Variants in ROBO2 observed in about 807,000 individuals in gnomAD.
ROBO2 encodes the protein roundabout homolog 2.
A neutral mutation model predicts 160.8 loss-of-function variants in ROBO2; 53 were observed. The ratio of observed to expected loss-of-function variants is 0.33; its 90% CI spans 0.26 to 0.41. ROBO2 has a LOEUF of 0.41. Ranked by LOEUF, ROBO2 falls within the 10% of genes least tolerant of loss-of-function variation. The pLI is 1.00. For missense variants in ROBO2, 1,577 were observed against 1,722.4 expected (o/e 0.92, Z 1.49); for synonymous variants, 664 against 611.7 (o/e 1.09, Z -1.26).
intron 4 of ROBO2, among the ~76,000 whole-genome samples, chr3:77,492,714 G>A (rs1477812585): frequency 6.6e-6 from 1 of 152,078 alleles, no homozygotes; most frequent in Non-Finnish European, 1.5e-5. Flanking sequence ...AAATAATCAT[G>A]GGAATATTGA....
At chr3:77,405,676 T>C (rs1316610127) in intron 2 of ROBO2, among the ~76,000 whole-genome samples, 1 of 151,980 alleles carries the variant, frequency 6.6e-6, no homozygotes, top group Non-Finnish European at 1.5e-5. Flanking sequence ...CTCTTCCAAC[T>C]CTTAATGTTT....
chr3:77,264,842 G>T (rs2059024251), intron 2 of ROBO2, among the ~76,000 whole-genome samples: 1 of 152,064 alleles, frequency 6.6e-6, no homozygotes, highest in African/African-American at 2.4e-5. Flanking sequence ...TTTGTTAATT[G>T]TTGAATAGAT....
intron 2 of ROBO2, among the ~76,000 whole-genome samples, chr3:77,467,798 T>G (rs538211465): frequency 6.6e-6 from 1 of 150,976 alleles, no homozygotes; most frequent in South Asian, 2.1e-4. Context: ...TTAAGTTGAC[T>G]GTATTATATC....
intron 2 of ROBO2, among the ~76,000 whole-genome samples, chr3:77,274,248 A>T (rs528775469): frequency 6.6e-6 from 1 of 152,294 alleles, no homozygotes; most frequent in Non-Finnish European, 1.5e-5. Flanking sequence ...ATTAGAAAGC[A>T]TATGGTCTTT....
intron 2 of ROBO2, among the ~76,000 whole-genome samples, chr3:76,178,775 C>CTTAG (rs2073321278): frequency 6.6e-6 from 1 of 152,018 alleles, no homozygotes; most frequent in African/African-American, 2.4e-5. Context: ...AACCCTGTCT[C>CTTAG]TACTAAAAGT....
At chr3:76,613,648 A>T (rs1181909718) in intron 2 of ROBO2, among the ~76,000 whole-genome samples, 1 of 151,864 alleles carries the variant, frequency 6.6e-6, no homozygotes, top group East Asian at 1.9e-4. Context: ...CCTGTCTCCC[A>T]GTTAGAGTAC....
At position 77,395,383 on chromosome 3, in the gene ROBO2, A is replaced by C. The variant is rs530839810; in HGVS notation, c.389-82031A>C. On this transcript the variant is annotated intron_variant, in intron 2 of 25. Coordinates refer to ENST00000461745, the Ensembl canonical transcript of ROBO2. ...CCAAACAGATGTTACTTTATTAAAA[A>C]TTGAGTGTTTTGGAGGGAGTAGAAG... Among the ~76,000 whole-genome samples, 22 of 152,304 alleles carry C rather than the reference A, an allele frequency of 1.4e-4. No individual in the cohort carries two copies. In the East Asian group the frequency reaches 3.7e-3, roughly 25 times the overall value.
At chr3:77,527,854 A>G (rs918684513) in intron 6 of ROBO2, among the ~76,000 whole-genome samples, 1 of 151,586 alleles carries the variant, frequency 6.6e-6, no homozygotes, top group Non-Finnish European at 1.5e-5. Flanking sequence ...TCCGAGTCCC[A>G]GTATTTTAGG....
intron 1 of ROBO2, among the ~76,000 whole-genome samples, chr3:77,083,295 A>G (rs912669289): frequency 5.9e-5 from 9 of 152,150 alleles, no homozygotes; most frequent in Admixed American, 3.9e-4. Context: ...CGTAACACTC[A>G]TGAGGCAACT....
chr3:76,469,769 T>A (rs201814131), intron 2 of ROBO2, among the ~76,000 whole-genome samples: 2 of 152,092 alleles, frequency 1.3e-5, no homozygotes, highest in East Asian at 3.9e-4. Flanking sequence ...CTTGATCTGC[T>A]TCTACTGGTT....
chr3:76,796,794 A>T (rs1396472046), intron 2 of ROBO2, among the ~76,000 whole-genome samples: 1 of 152,080 alleles, frequency 6.6e-6, no homozygotes, highest in African/African-American at 2.4e-5. Flanking sequence ...AAGAGCAGGT[A>T]TATCTACATT....
rs1305738451 is a variant in ROBO2 at position 76,301,870 on chromosome 3, T to C, written c.109+364268T>C. 6.6e-5 allele frequency among the ~76,000 whole-genome samples: 10 copies of C among 152,206 alleles called. No individual in the cohort carries two copies. The East Asian group carries it at 1.9e-3, about 29-fold the overall frequency. On this transcript the variant is annotated intron_variant, in intron 2 of 26. Transcript: ENST00000487694. ...CTAAACCCTTCTGAGAGATAGCAGC[T>C]TGCACCTCTGTCACTTTCTTTATCT...
chr3:76,015,671 C>T (rs1331459003), intron 2 of ROBO2, among the ~76,000 whole-genome samples: 1 of 152,154 alleles, frequency 6.6e-6, no homozygotes, highest in Non-Finnish European at 1.5e-5. Context: ...ATGGCGCACA[C>T]AATCCATTTG....
At chr3:77,578,086 G>A (rs1048797319) in intron 15 of ROBO2, among the ~76,000 whole-genome samples, 3 of 151,854 alleles carry the variant, frequency 2.0e-5, no homozygotes, top group Non-Finnish European at 4.4e-5. Flanking sequence ...ATTTATTGAG[G>A]TTGTGTAGAA....
chr3:76,581,832 A>C (rs2108737167), intron 2 of ROBO2, among the ~76,000 whole-genome samples: 1 of 152,322 alleles, frequency 6.6e-6, no homozygotes. Context: ...AATAGATTAA[A>C]TTTACAAAGT....
chr3:76,900,180 G>T (rs2075118256), intron 2 of ROBO2, among the ~76,000 whole-genome samples: 1 of 152,016 alleles, frequency 6.6e-6, no homozygotes, highest in Non-Finnish European at 1.5e-5. Context: ...GAACGGCACG[G>T]GAAAGATCCG....
At chr3:77,549,330 GTTA>G (rs2092825788) in intron 7 of ROBO2, among the ~76,000 whole-genome samples, 1 of 151,894 alleles carries the variant, frequency 6.6e-6, no homozygotes. Flanking sequence ...TGCACTTTGA[GTTA>G]TTGTATCATT....
intron 2 of ROBO2, among the ~76,000 whole-genome samples, chr3:76,376,093 T>A (rs780620943): frequency 3.3e-5 from 5 of 152,164 alleles, no homozygotes; most frequent in Non-Finnish European, 7.4e-5. Context: ...AAAGTACTTA[T>A]CATATTTGTT....
intron 3 of ROBO2, among the ~76,000 whole-genome samples, chr3:77,479,848 C>A (rs528781563): frequency 6.6e-6 from 1 of 152,292 alleles, no homozygotes; most frequent in African/African-American, 2.4e-5. Flanking sequence ...CTTATGATCT[C>A]TAATTTTCCA....
Sources: allele counts gnomAD v4.1 joint callset (sites outside exome capture counted in the v4.1 genomes callset), GRCh38; gene constraint gnomAD v4.1.1; transcripts MANE v1.5; gene names NCBI Gene and HGNC (gene_info 2026-07-23, HGNC 2026-07-21).